The following RIGI variants were observed in gnomAD, a reference collection of about 807,000 sequenced individuals.
The protein encoded by RIGI is RNA sensor RIG-I.
At chr9:32,509,293 G>GCGCA in the RIGI span, among the ~76,000 whole-genome samples, 1 of 152,320 alleles carries the variant, frequency 6.6e-6, no homozygotes, top group Non-Finnish European at 1.5e-5. Flanking sequence ...TGATACCTGT[G>GCGCA]CCTCCTGGTG....
At chr9:32,459,841 C>T in the RIGI span, among the ~76,000 whole-genome samples, 5 of 152,220 alleles carry the variant, frequency 3.3e-5, no homozygotes, top group East Asian at 5.8e-4. Flanking sequence ...GGAAAAAAAA[C>T]AAAACCTGTA....
the RIGI span, among the ~76,000 whole-genome samples, chr9:32,494,935 T>C: frequency 1.3e-5 from 2 of 152,344 alleles, no homozygotes; most frequent in South Asian, 2.1e-4. Flanking sequence ...TGATGGACAT[T>C]TGAGTTGCTT....
the RIGI span, among the ~76,000 whole-genome samples, chr9:32,472,807 T>A: frequency 1.3e-5 from 2 of 152,196 alleles, no homozygotes; most frequent in Non-Finnish European, 2.9e-5. Context: ...TGCTTTTGCT[T>A]CTGTGGTTAA....
At chr9:32,467,789 T>G in the RIGI span, 6 of 1,595,890 alleles carry the variant, frequency 3.8e-6, no homozygotes, top group Non-Finnish European at 5.1e-6. Context: ...TTGATGACAT[T>G]GCCCACATAC....
chr9:32,497,770 A>G, the RIGI span, among the ~76,000 whole-genome samples: 1 of 150,216 alleles, frequency 6.7e-6, no homozygotes, highest in African/African-American at 2.5e-5. Context: ...ATGAATGAAT[A>G]AATAAATAAA....
the RIGI span, among the ~76,000 whole-genome samples, chr9:32,464,702 C>T: frequency 6.6e-6 from 1 of 152,170 alleles, no homozygotes; most frequent in South Asian, 2.1e-4. Context: ...AAAGCAAATC[C>T]TTCCCCTTTG....
the RIGI span, chr9:32,481,502 T>TAAA: frequency 4.3e-5 from 58 of 1,347,306 alleles, no homozygotes; most frequent in Non-Finnish European, 5.0e-5. Context: ...AGTTTTCTGT[T>TAAA]AAAAAAAAAA....
chr9:32,500,149 A>G, the RIGI span, among the ~76,000 whole-genome samples: 96 of 152,328 alleles, frequency 6.3e-4, no homozygotes, highest in African/African-American at 2.2e-3. Context: ...GCTAACGTGT[A>G]GAAAGAAAAG....
At chr9:32,525,556 G>A in the RIGI span, among the ~76,000 whole-genome samples, 1 of 152,248 alleles carries the variant, frequency 6.6e-6, no homozygotes, top group Non-Finnish European at 1.5e-5. Flanking sequence ...GTCTGGAAAA[G>A]TCCGGCTCCT....
the RIGI span, among the ~76,000 whole-genome samples, chr9:32,523,731 G>T: frequency 6.6e-6 from 1 of 151,888 alleles, no homozygotes; most frequent in Non-Finnish European, 1.5e-5. Context: ...TCCCTGTCTT[G>T]TACCTATTCA....
the RIGI span, chr9:32,481,437 A>G: frequency 4.3e-6 from 7 of 1,612,400 alleles, no homozygotes; most frequent in Admixed American, 1.7e-5. Flanking sequence ...CTGAACTGTA[A>G]CAATCCATTG....
the RIGI span, among the ~76,000 whole-genome samples, chr9:32,484,057 C>T: frequency 6.6e-6 from 1 of 152,154 alleles, no homozygotes; most frequent in Non-Finnish European, 1.5e-5. Flanking sequence ...TGAACACATT[C>T]GGGAAACTGC....
the RIGI span, among the ~76,000 whole-genome samples, chr9:32,463,889 C>CTTTTTTTTTTTTTTTTTTTTTTATACTCT: frequency 7.4e-6 from 1 of 135,804 alleles, no homozygotes; most frequent in Non-Finnish European, 1.6e-5. Context: ...ATTCTGATTT[C>CTTTTTTTTTTTTTTTTTTTTTTATACTCT]AAATAAACCT....
the RIGI span, among the ~76,000 whole-genome samples, chr9:32,490,104 G>A: frequency 6.6e-6 from 1 of 152,244 alleles, no homozygotes; most frequent in Non-Finnish European, 1.5e-5. Context: ...GCCAGGTGCA[G>A]TGGCTCATGC....
chr9:32,468,447 C>A, the RIGI span, among the ~76,000 whole-genome samples: 1 of 152,166 alleles, frequency 6.6e-6, no homozygotes, highest in Non-Finnish European at 1.5e-5. Flanking sequence ...AGGTGAATCA[C>A]TTGAGCCTAG....
chr9:32,472,914 C>A, the RIGI span: 8 of 938,352 alleles, frequency 8.5e-6, no homozygotes, highest in Non-Finnish European at 1.3e-5. Flanking sequence ...CATATACATA[C>A]ACACACACAC....
the RIGI span, among the ~76,000 whole-genome samples, chr9:32,522,203 A>G: frequency 6.6e-6 from 1 of 152,308 alleles, no homozygotes; most frequent in South Asian, 2.1e-4. Flanking sequence ...TTGTTTGAAA[A>G]AGTCTGGAGA....
the RIGI span, among the ~76,000 whole-genome samples, chr9:32,522,752 C>T: frequency 6.6e-6 from 1 of 152,146 alleles, no homozygotes. Context: ...CCACGCCATT[C>T]CTCAGCATGA....
chr9:32,467,576 C>T, the RIGI span, among the ~76,000 whole-genome samples: 1 of 152,158 alleles, frequency 6.6e-6, no homozygotes, highest in African/African-American at 2.4e-5. Context: ...TTGTAAGAAT[C>T]AAAGTAGAGT....
Sources: gnomAD v4.1 joint callset for allele counts (sites outside exome capture counted in the v4.1 genomes callset) on GRCh38, gnomAD v4.1.1 for gene constraint, MANE v1.5 for transcripts, NCBI Gene and HGNC (gene_info 2026-07-23, HGNC 2026-07-21) for gene names.